Variants in CTNNA3 observed in about 807,000 individuals in gnomAD.
CTNNA3 encodes the protein catenin alpha-3.
A neutral mutation model predicts 95.7 loss-of-function variants in CTNNA3; 76 were observed. The ratio of observed to expected loss-of-function variants is 0.79; its 90% CI spans 0.66 to 0.96. The LOEUF is 0.96. CTNNA3 is among the 40% of genes least tolerant of loss of function. The probability of loss-of-function intolerance (pLI) is 0.00; values close to 1 mark genes in which losing one functional copy is unlikely to be tolerated. For synonymous variants in CTNNA3, 431 were observed against 374.4 expected (o/e 1.15, Z -1.74); for missense variants, 1,191 against 1,089.8 (o/e 1.09, Z -1.31).
upstream of CTNNA3, among the ~76,000 whole-genome samples, chr10:67,698,413 C>T (rs1426576456): frequency 2.0e-5 from 3 of 152,140 alleles, no homozygotes; most frequent in Admixed American, 6.5e-5. Flanking sequence ...TGTTAGGCGC[C>T]AGCTAGAAGA....
At chr10:66,413,994 A>G (rs1564939137) in intron 11 of CTNNA3, among the ~76,000 whole-genome samples, 1 of 152,238 alleles carries the variant, frequency 6.6e-6, no homozygotes, top group Non-Finnish European at 1.5e-5. Context: ...ACTACTTGAT[A>G]TAATCAGTCC....
intron 5 of CTNNA3, among the ~76,000 whole-genome samples, chr10:67,430,524 T>G (rs1846073946): frequency 6.6e-6 from 1 of 151,910 alleles, no homozygotes; most frequent in Non-Finnish European, 1.5e-5. Flanking sequence ...ATATATTTAA[T>G]AGTACCCAGA....
At chr10:67,738,054 A>G (rs894440645) in intron 1 of CTNNA3, among the ~76,000 whole-genome samples, 1 of 152,204 alleles carries the variant, frequency 6.6e-6, no homozygotes, top group African/African-American at 2.4e-5. Flanking sequence ...ACTTCCAGGT[A>G]TGAAGAAAAC....
chr10:67,387,199 G>A (rs569835453), intron 5 of CTNNA3, among the ~76,000 whole-genome samples: 5 of 152,244 alleles, frequency 3.3e-5, no homozygotes, highest in South Asian at 2.1e-4. Context: ...CAGTGGGTGC[G>A]CGCACCGTGC....
chr10:67,588,577 G>A (rs1589459439), intron 3 of CTNNA3, among the ~76,000 whole-genome samples: 2 of 152,154 alleles, frequency 1.3e-5, no homozygotes, highest in East Asian at 3.9e-4. Context: ...AGGCTTTAGT[G>A]GTAGTAGTGG....
intron 7 of CTNNA3, among the ~76,000 whole-genome samples, chr10:66,804,073 A>G (rs1435590342): frequency 6.6e-6 from 1 of 151,348 alleles, no homozygotes; most frequent in Non-Finnish European, 1.5e-5. Context: ...TTTTACCTCT[A>G]CTAGGTGTCT....
At chr10:66,822,776 C>T (rs867451206) in intron 7 of CTNNA3, among the ~76,000 whole-genome samples, 21 of 152,120 alleles carry the variant, frequency 1.4e-4, no homozygotes, top group South Asian at 8.3e-4. Flanking sequence ...TTGAACTATC[C>T]CTCTGCTAGT....
intron 1 of CTNNA3, chr10:67,750,972 G>A: frequency 6.3e-7 from 1 of 1,598,542 alleles, no homozygotes; most frequent in Non-Finnish European, 8.6e-7. Flanking sequence ...CCCTGCTGGA[G>A]GATCCCAAGA....
At chr10:66,315,942 G>A (rs1228037729) in intron 12 of CTNNA3, among the ~76,000 whole-genome samples, 1 of 152,022 alleles carries the variant, frequency 6.6e-6, no homozygotes, top group Middle Eastern at 3.2e-3. Context: ...TAACTTGTAG[G>A]AAATCCTCAC....
At chr10:66,682,638 C>CTT (rs55925717) in intron 9 of CTNNA3, among the ~76,000 whole-genome samples, 2 of 141,622 alleles carry the variant, frequency 1.4e-5, no homozygotes, top group African/African-American at 2.6e-5. Flanking sequence ...TGGAGGCTTT[C>CTT]TTTTTTTTTT....
chr10:66,527,424 G>GT (rs1375628457), intron 10 of CTNNA3, among the ~76,000 whole-genome samples: 4 of 151,960 alleles, frequency 2.6e-5, no homozygotes, highest in East Asian at 3.9e-4. Flanking sequence ...TTGAGGATGT[G>GT]TTTTTTTCTA....
chr10:67,480,100 C>A (rs1333116865), intron 5 of CTNNA3, among the ~76,000 whole-genome samples: 1 of 151,550 alleles, frequency 6.6e-6, no homozygotes, highest in Non-Finnish European at 1.5e-5. Flanking sequence ...ACAAAGCCCA[C>A]CAACCAAAAA....
chr10:67,327,875 T>C (rs190884178), intron 5 of CTNNA3, among the ~76,000 whole-genome samples: 10 of 152,202 alleles, frequency 6.6e-5, no homozygotes, highest in Non-Finnish European at 1.2e-4. Context: ...GTGTTTTGGC[T>C]CAGGAGTGGG....
chr10:67,340,047 T>C (rs909255847), intron 5 of CTNNA3, among the ~76,000 whole-genome samples: 5 of 152,182 alleles, frequency 3.3e-5, no homozygotes, highest in Admixed American at 6.6e-5. Context: ...AATAATATTG[T>C]TCATTAATAT....
At chr10:66,974,264 C>T (rs1264349987) in intron 7 of CTNNA3, among the ~76,000 whole-genome samples, 1 of 152,202 alleles carries the variant, frequency 6.6e-6, no homozygotes, top group Non-Finnish European at 1.5e-5. Flanking sequence ...CTTCTGGTGA[C>T]ATAGGCTGGA....
chr10:66,185,297 A>T (rs1425030227), intron 13 of CTNNA3, among the ~76,000 whole-genome samples: 1 of 152,190 alleles, frequency 6.6e-6, no homozygotes, highest in African/African-American at 2.4e-5. Flanking sequence ...ACAGTAATCT[A>T]GAGCAATATT....
At chr10:67,426,702 T>C (rs1845934655) in intron 5 of CTNNA3, among the ~76,000 whole-genome samples, 3 of 151,848 alleles carry the variant, frequency 2.0e-5, no homozygotes, top group Admixed American at 2.0e-4. Flanking sequence ...AAATACCTAA[T>C]GTAAATGACG....
At chr10:65,945,887 CA>C (rs1401634300) in intron 17 of CTNNA3, among the ~76,000 whole-genome samples, 2 of 152,142 alleles carry the variant, frequency 1.3e-5, no homozygotes, top group Admixed American at 1.3e-4. Context: ...CCGTAATACT[CA>C]CAGAAATGAA....
intron 9 of CTNNA3, among the ~76,000 whole-genome samples, chr10:66,653,384 C>T (rs764698113): frequency 2.0e-4 from 23 of 112,742 alleles, no homozygotes; most frequent in East Asian, 3.9e-4. Flanking sequence ...CAATAAAATA[C>T]GCAGAAATAA....
Sources: allele counts gnomAD v4.1 joint callset (sites outside exome capture counted in the v4.1 genomes callset), GRCh38; gene constraint gnomAD v4.1.1; transcripts MANE v1.5; gene names NCBI Gene and HGNC (gene_info 2026-07-23, HGNC 2026-07-21).